Variants in WDR26 observed in about 807,000 individuals in gnomAD.
WDR26 encodes the protein WD repeat-containing protein 26.
In WDR26, 5 loss-of-function variants were observed where a neutral mutation model predicts 84.1. The ratio of observed to expected loss-of-function variants is 0.06; its 90% confidence interval spans 0.03 to 0.13. The LOEUF is 0.13. Ranked by LOEUF, WDR26 falls within the 10% of genes least tolerant of loss-of-function variation. The pLI is 1.00. For missense variants in WDR26, 642 were observed against 974.9 expected (o/e 0.66, Z 4.55); for synonymous variants, 415 against 389.6 (o/e 1.07, Z -0.77).
Position 224,434,177 on chromosome 1 carries a change from C to A in WDR26, c.229G>T (p.Ala77Ser). Residue 77 changes from alanine to serine, a missense_variant, in exon 1 of 14, where the codon GCT becomes TCT. By Grantham distance (99) the Ala-to-Ser change is moderately conservative. Coordinates refer to ENST00000414423, the MANE Select transcript of WDR26 (RefSeq NM_001379403.1). ...GCAGCGGCGGCGGGAGGGGCAGCAGCCGGGGGAAGTCCCACCACTACCACC... is the reference window on the plus strand; with the variant it reads ...GCAGCGGCGGCGGGAGGGGCAGCAGACGGGGGAAGTCCCACCACTACCACC... The A allele has an allele frequency of 2.8e-6, 4 of 1,419,692 alleles. No individual in the cohort carries two copies. Among genetic ancestry groups the A allele is most frequent in the Non-Finnish European group, 3.7e-6 (4 of 1,092,012 alleles). The allele number at this position is 1,419,692 out of a possible 1,614,324, so 87.9% of individuals were successfully genotyped here.
chr1:224,394,936 C>T (rs1397597631), intron 12 of WDR26, among the ~76,000 whole-genome samples: 2 of 152,110 alleles, frequency 1.3e-5, no homozygotes, highest in Admixed American at 6.6e-5. Flanking sequence ...GACAATGGTC[C>T]CTTATCTGCA....
Position 224,431,494 on chromosome 1 carries a change from AC to A in WDR26, c.909del (p.Leu304CysfsTer4). 1.9e-6 allele frequency: 3 copies of A among 1,613,952 alleles called. No individual in the cohort carries two copies. Among genetic ancestry groups the A allele is most frequent in the Non-Finnish European group, 2.5e-6 (3 of 1,179,906 alleles). The stretch of plus-strand genomic sequence containing the variant: ...GTATTTACCACAATTATTCCCAACA[AC>A]GTTTGAGAGATTTCAAGTGCGCCTC... On this transcript the variant is annotated frameshift_variant, in exon 3 of 14. Transcript: ENST00000414423. LOFTEE classifies it high-confidence loss of function.
At chr1:224,424,712 G>C in intron 3 of WDR26, 58 bp from the exon 4 acceptor site, 1 of 1,610,816 alleles carries the variant, frequency 6.2e-7, no homozygotes, top group Non-Finnish European at 8.5e-7. Context: ...TTCAGAAAAT[G>C]TTTGTGCCTA....
intron 6 of WDR26, among the ~76,000 whole-genome samples, chr1:224,415,807 G>A (rs760549207): frequency 2.6e-5 from 4 of 152,180 alleles, no homozygotes; most frequent in Admixed American, 6.5e-5. Flanking sequence ...AGAGCCTAAG[G>A]AGTAGCCAGG....
At chr1:224,433,508 C>G (rs1231072997) in intron 1 of WDR26, among the ~76,000 whole-genome samples, 176 bp downstream of exon 1, 1 of 152,100 alleles carries the variant, frequency 6.6e-6, no homozygotes, top group African/African-American at 2.4e-5. Context: ...GTCCGCTCCT[C>G]CTCCCCGGTC....
chr1:224,397,976 G>T, intron 12 of WDR26, 121 bp downstream of exon 12: 3 of 1,206,066 alleles, frequency 2.5e-6, no homozygotes, highest in Non-Finnish European at 3.4e-6. Flanking sequence ...ACCGTGTATT[G>T]GATAAATGAA....
chr1:224,434,327 G>A lies in WDR26; in HGVS notation c.79C>T (p.Pro27Ser). Residue 27 changes from proline (P) to serine (S), a missense_variant, in exon 1 of 14, where the codon CCG becomes TCG. Pro to Ser is a moderately conservative substitution (Grantham distance 74, BLOSUM62 -1). Around this residue, in one of 2 missense-constraint regions of WDR26, gnomAD observed 291 missense variants for 302.1 expected, o/e 0.96. Coordinates refer to ENST00000414423, the MANE Select transcript of WDR26 (RefSeq NM_001379403.1). Reference sequence around the variant, plus strand: ...GCCGAGGCTCGGGGTTTCTTCCGCGGGGGCGGGGAGGCTCCGCCGGTGTCC... The same window carrying A: ...GCCGAGGCTCGGGGTTTCTTCCGCGAGGGCGGGGAGGCTCCGCCGGTGTCC... The A allele has an allele frequency of 8.1e-7, 1 of 1,232,884 alleles. No homozygotes were observed. Among genetic ancestry groups the A allele is most frequent in the Non-Finnish European group, 1.0e-6 (1 of 988,746 alleles). 76.4% of individuals were successfully genotyped at this position (1,232,884 alleles called of 1,614,324 possible).
At chr1:224,410,069 T>C (rs886328996) in intron 7 of WDR26, among the ~76,000 whole-genome samples, 1 of 151,596 alleles carries the variant, frequency 6.6e-6, no homozygotes, top group South Asian at 2.1e-4. Context: ...TCACCTGAGG[T>C]CAGGAGTTTG....
chr1:224,406,346 G>A lies in WDR26; in HGVS notation c.1459-1776C>T, dbSNP rs542013626. On this transcript the variant is annotated intron_variant, in intron 7 of 13. Transcript: ENST00000414423. ...GACTAAAGGTGGGAAGAAACAGTAAGTTTTAGACTTTAGTCTTAAGATTTA... is the reference window on the plus strand; with the variant it reads ...GACTAAAGGTGGGAAGAAACAGTAAATTTTAGACTTTAGTCTTAAGATTTA... Among the ~76,000 whole-genome samples, 11 of 151,868 alleles carry A rather than the reference G, an allele frequency of 7.2e-5. No individual in the cohort carries two copies. The South Asian group carries it at 1.0e-3, about 14-fold the overall frequency.
rs373214956 is a variant in WDR26 at position 224,403,938 on chromosome 1, AAAAC to A, written c.1599+488_1599+491del. On this transcript the variant is annotated intron_variant, in intron 8 of 13. Transcript: ENST00000414423. Reference sequence around the variant, plus strand: ...GGCGACAGAGCGAGACTCTGTCTCAAAAACAAACAAACAAACGAACAAACCAAGC... The same window carrying A: ...GGCGACAGAGCGAGACTCTGTCTCAAAAACAAACAAACGAACAAACCAAGC... Among the ~76,000 whole-genome samples, 745 of 152,322 alleles carry A rather than the reference AAAAC, an allele frequency of 4.9e-3. 3 individuals are homozygous for A. The highest frequency in any genetic ancestry group is 0.017 in the African/African-American group (706 of 41,582).
chr1:224,410,684 ATCTT>A (rs1456113064), intron 7 of WDR26, among the ~76,000 whole-genome samples: 138 of 145,530 alleles, frequency 9.5e-4, no homozygotes, highest in Non-Finnish European at 1.8e-3. Flanking sequence ...CATTGTATTA[ATCTT>A]TCTTTCTTTT....
In WDR26 at chr1:224,386,712, A is replaced by C. The variant is rs982463248; in HGVS notation, c.*3123T>G. 2 of 152,102 alleles carry C rather than the reference A, an allele frequency of 1.3e-5. No individual in the cohort carries two copies. Among genetic ancestry groups the C allele is most frequent in the Admixed American group, 6.5e-5 (1 of 15,270 alleles). The allele number at this position is 152,102 out of a possible 1,614,324, so 9.4% of individuals were successfully genotyped here. A position where few individuals can be genotyped will look rare whatever the true frequency, so the allele number is the denominator to read the frequency against. Reference sequence around the variant, plus strand: ...ATATTCTGATTATTTAAAGTTAGGGAATCCCTTTTTTATCCCCCCACCCAA... The same window carrying C: ...ATATTCTGATTATTTAAAGTTAGGGCATCCCTTTTTTATCCCCCCACCCAA... On this transcript the variant is annotated 3_prime_UTR_variant, in exon 14 of 14. Coordinates refer to ENST00000414423, the MANE Select transcript of WDR26 (RefSeq NM_001379403.1).
rs1353062748 is a variant in WDR26 at position 224,386,338 on chromosome 1, G to A, written c.*3497C>T. On this transcript the variant is annotated 3_prime_UTR_variant, in exon 14 of 14. Coordinates refer to ENST00000414423, the MANE Select transcript of WDR26 (RefSeq NM_001379403.1). ...ATACATTTTAGAGATGGGACAAAAAGGATATTAAGAAAAATGTCTTCTTTC... is the reference window on the plus strand; with the variant it reads ...ATACATTTTAGAGATGGGACAAAAAAGATATTAAGAAAAATGTCTTCTTTC... 1 of 152,656 alleles carries A rather than the reference G, an allele frequency of 6.6e-6. No homozygotes were observed. Among genetic ancestry groups the A allele is most frequent in the East Asian group, 1.9e-4 (1 of 5,194 alleles). The allele number at this position is 152,656 out of a possible 1,614,324, so 9.5% of individuals were successfully genotyped here.
chr1:224,407,512 T>C (rs984336296), intron 7 of WDR26, among the ~76,000 whole-genome samples: 1 of 140,118 alleles, frequency 7.1e-6, no homozygotes, highest in Non-Finnish European at 1.6e-5. Context: ...CATATATAAA[T>C]TTTTTTTTTT....
chr1:224,390,740 A>G (rs1391427068), intron 13 of WDR26, among the ~76,000 whole-genome samples: 2 of 152,182 alleles, frequency 1.3e-5, no homozygotes, highest in African/African-American at 4.8e-5. Flanking sequence ...ACTGCACTTC[A>G]GCCTGGGCGA....
At chr1:224,415,453 C>CTTTTTTTTTTTTTTTTTTTTTTTTTTT (rs149995544) in intron 6 of WDR26, among the ~76,000 whole-genome samples, 1 of 82,340 alleles carries the variant, frequency 1.2e-5, no homozygotes, top group Admixed American at 1.6e-4. Flanking sequence ...GTATTTCTTT[C>CTTTTTTTTTTTTTTTTTTTTTTTTTTT]TTTTTTTTTT....
chr1:224,432,493 T>A (rs1197939683), intron 1 of WDR26, among the ~76,000 whole-genome samples: 1 of 152,254 alleles, frequency 6.6e-6, no homozygotes, highest in African/African-American at 2.4e-5. Context: ...ATTCATCAAC[T>A]GTATTTTCTT....
Position 224,431,771 on chromosome 1 carries a change from C to A in WDR26, c.733G>T (p.Asp245Tyr). ...CATCCTGACTCTTGCATGAGGAGAT[C>A]AACAGTCTGGCTGCAGGAAAGATAC... is the stretch of plus-strand genomic sequence containing the variant. The change falls in exon 2 of 14, where the codon GAT becomes TAT. Residue 245 changes from aspartate (D) to tyrosine (Y), a missense_variant. Physicochemically the swap from Asp to Tyr is radical, Grantham distance 160. This residue lies in a region of WDR26 where 351 missense variants were observed against 672.8 expected (regional missense o/e 0.52). Transcript: ENST00000414423. 6.2e-7 allele frequency: 1 copy of A among 1,609,734 alleles called. No individual in the cohort carries two copies. The highest frequency in any genetic ancestry group is 1.1e-5 in the South Asian group (1 of 90,796).
At chr1:224,418,870 G>C (rs888363675) in intron 5 of WDR26, among the ~76,000 whole-genome samples, 3 of 152,310 alleles carry the variant, frequency 2.0e-5, no homozygotes, top group African/African-American at 7.2e-5. Context: ...TTTTGGCTAA[G>C]ATCAAGTACA....
Sources: gnomAD v4.1 joint callset for allele counts (sites outside exome capture counted in the v4.1 genomes callset) on GRCh38, gnomAD v4.1.1 for gene constraint, gnomAD v4.1.1 regional missense constraint, MANE v1.5 for transcripts, NCBI Gene and HGNC (gene_info 2026-07-23, HGNC 2026-07-21) for gene names.